CSMD2: variants seen among roughly 807,000 people sequenced by gnomAD.
CSMD2 encodes CUB and Sushi multiple domains 2.
A neutral mutation model predicts 398.5 loss-of-function variants in CSMD2; 130 were observed. The observed-to-expected ratio is 0.33, with a 90% CI of 0.28 to 0.38. The LOEUF (loss-of-function observed/expected upper bound fraction) is 0.38. Ranked by LOEUF, CSMD2 falls within the 10% of genes least tolerant of loss-of-function variation. The pLI is 1.00. For missense variants in CSMD2, 3,829 were observed against 4,764.9 expected (o/e 0.80, Z 5.78); for synonymous variants, 1,828 against 1,908.5 (o/e 0.96, Z 1.10).
At chr1:33,909,227 G>C (rs966280613) in intron 5 of CSMD2, among the ~76,000 whole-genome samples, 8 of 152,120 alleles carry the variant, frequency 5.3e-5, no homozygotes, top group African/African-American at 1.9e-4. Context: ...CTCCATGTAC[G>C]AAGTTCAGGA....
At chr1:34,008,400 T>C in intron 3 of CSMD2, among the ~76,000 whole-genome samples, 1 of 152,234 alleles carries the variant, frequency 6.6e-6, no homozygotes, top group East Asian at 1.9e-4. Context: ...CTCTTTTAGT[T>C]GTACCATGTT....
At chr1:33,890,947 C>T (rs11487439) in intron 5 of CSMD2, among the ~76,000 whole-genome samples, 12,686 of 152,176 alleles carry the variant, frequency 0.083, 1,773 homozygotes, top group African/African-American at 0.29. Context: ...CATAAAAACC[C>T]TAGAAGAAAA....
chr1:33,781,019 T>C (rs1652692738), intron 12 of CSMD2, among the ~76,000 whole-genome samples: 1 of 152,210 alleles, frequency 6.6e-6, no homozygotes. Context: ...CGGCTGCCCT[T>C]GGCCTCCTTT....
chr1:34,124,114 C>T lies in CSMD2; in HGVS notation c.188-34921G>A, dbSNP rs142488477. Among the ~76,000 whole-genome samples the T allele has an allele frequency of 1.8e-3, 274 of 152,288 alleles. 1 individual carries two copies. Among genetic ancestry groups the T allele is most frequent in the African/African-American group, 6.2e-3 (258 of 41,558 alleles). ...ATGGTCCTGGGATTCAAATCCAAAA[C>T]AGAAATTCCATGCTTAGGCCAAGGA... On this transcript the variant is annotated intron_variant, in intron 1 of 70. Transcript: ENST00000373381.
chr1:33,891,262 A>G (rs1199704513), intron 5 of CSMD2, among the ~76,000 whole-genome samples: 2 of 151,712 alleles, frequency 1.3e-5, no homozygotes, highest in Non-Finnish European at 2.9e-5. Flanking sequence ...ATTTCTCAAA[A>G]GAAGACATTT....
chr1:33,999,658 C>T (rs1360665342), intron 3 of CSMD2, among the ~76,000 whole-genome samples: 3 of 152,066 alleles, frequency 2.0e-5, no homozygotes, highest in Non-Finnish European at 4.4e-5. Context: ...ATTCAAAGTG[C>T]TAGGATTACA....
intron 60 of CSMD2, 33 bp downstream of exon 60, chr1:33,540,492 A>C: frequency 6.2e-7 from 1 of 1,611,354 alleles, no homozygotes; most frequent in Non-Finnish European, 8.5e-7. Flanking sequence ...GCTATTGAAG[A>C]GGATGCACCA....
chr1:33,609,510 G>A lies in CSMD2; in HGVS notation c.6343+1531C>T, dbSNP rs1406728905. The stretch of plus-strand genomic sequence containing the variant: ...CATACATATATCCAGGCCTGGAAAG[G>A]TCACAACTAAACAATAGTAGCCGTT... On this transcript the variant is annotated intron_variant, in intron 41 of 70. Coordinates refer to ENST00000373381, the MANE Select transcript of CSMD2 (RefSeq NM_001281956.2). Among the ~76,000 whole-genome samples, 3 of 152,180 alleles carry A rather than the reference G, an allele frequency of 2.0e-5. No homozygotes were observed. The East Asian group carries it at 5.8e-4, about 29-fold the overall frequency.
At chr1:33,622,994 G>A (rs1641870627) in intron 36 of CSMD2, among the ~76,000 whole-genome samples, 1 of 152,220 alleles carries the variant, frequency 6.6e-6, no homozygotes, top group Non-Finnish European at 1.5e-5. Context: ...GTGACTGGGG[G>A]AACTTTGAAA....
At chr1:33,994,711 T>G (rs1344821688) in intron 3 of CSMD2, among the ~76,000 whole-genome samples, 1 of 152,182 alleles carries the variant, frequency 6.6e-6, no homozygotes, top group African/African-American at 2.4e-5. Flanking sequence ...TCTCAAACAC[T>G]GATGGGCCCA....
rs1022335886 is a variant in CSMD2 at position 33,692,887 on chromosome 1, C to T, written c.4052+43G>A. ...GGTGATGATGCTGATGATGGCTCCC[C>T]TGAACAACTGGCGATAGTTACTTTG... On this transcript the variant is annotated intron_variant, in intron 25 of 70. Coordinates refer to ENST00000373381, the MANE Select transcript of CSMD2 (RefSeq NM_001281956.2). 1.9e-6 allele frequency: 3 copies of T among 1,602,604 alleles called. No individual in the cohort carries two copies. The African/African-American group carries it at 4.0e-5, about 22-fold the overall frequency.
chr1:33,931,266 TC>T (rs1312769358), intron 4 of CSMD2, among the ~76,000 whole-genome samples: 4 of 152,204 alleles, frequency 2.6e-5, no homozygotes, highest in Non-Finnish European at 5.9e-5. Flanking sequence ...TTTTAATGCT[TC>T]CCAAGTATGA....
chr1:33,973,473 A>G (rs1645845118), intron 3 of CSMD2, among the ~76,000 whole-genome samples: 1 of 152,146 alleles, frequency 6.6e-6, no homozygotes, highest in Non-Finnish European at 1.5e-5. Flanking sequence ...GGCTTTGCAG[A>G]CCCTGAGGGG....
At chr1:33,874,310 T>C (rs1274931511) in intron 5 of CSMD2, among the ~76,000 whole-genome samples, 1 of 152,244 alleles carries the variant, frequency 6.6e-6, no homozygotes, top group Non-Finnish European at 1.5e-5. Context: ...AGCCATTTAA[T>C]GCAATTATTT....
chr1:33,828,931 T>C (rs1464638583), intron 6 of CSMD2, among the ~76,000 whole-genome samples: 1 of 152,176 alleles, frequency 6.6e-6, no homozygotes, highest in African/African-American at 2.4e-5. Context: ...TAGCATAGGA[T>C]GGAGTTTGTC....
chr1:33,722,798 T>G (rs980565005), intron 19 of CSMD2, among the ~76,000 whole-genome samples: 3 of 152,166 alleles, frequency 2.0e-5, no homozygotes, highest in Non-Finnish European at 4.4e-5. Context: ...CCTTTATGGA[T>G]TCTACCTTTG....
rs111787298 is a variant in CSMD2 at position 34,115,691 on chromosome 1, T to A, written c.188-26498A>T. On this transcript the variant is annotated intron_variant, in intron 1 of 70. Coordinates refer to ENST00000373381, the MANE Select transcript of CSMD2 (RefSeq NM_001281956.2). ...AGACAAATAGAATCTTGTAATACTA[T>A]AATAGTGATGCCTAAATCATTTTAA... Among the ~76,000 whole-genome samples, 919 of 152,222 alleles carry A rather than the reference T, an allele frequency of 6.0e-3. 9 individuals are homozygous for A. The highest frequency in any genetic ancestry group is 0.021 in the African/African-American group (874 of 41,566).
chr1:33,819,280 G>T (rs1657826531), intron 9 of CSMD2, among the ~76,000 whole-genome samples: 1 of 152,190 alleles, frequency 6.6e-6, no homozygotes, highest in South Asian at 2.1e-4. Flanking sequence ...AAACACTCTT[G>T]CAGAAGTGAC....
chr1:33,850,935 AT>A (rs1162581828), intron 5 of CSMD2, among the ~76,000 whole-genome samples: 4 of 152,160 alleles, frequency 2.6e-5, no homozygotes, highest in Admixed American at 1.3e-4. Flanking sequence ...CTCAGAGCAG[AT>A]TTTGTGGGAA....
Sources: allele counts gnomAD v4.1 joint callset (sites outside exome capture counted in the v4.1 genomes callset), GRCh38; gene constraint gnomAD v4.1.1; transcripts MANE v1.5; gene names NCBI Gene and HGNC (gene_info 2026-07-23, HGNC 2026-07-21).